Variants in MITF observed in about 807,000 individuals in gnomAD.
MITF encodes melanocyte inducing transcription factor.
Under a neutral mutation model 60.5 loss-of-function variants are expected in MITF, and 17 were observed. That is an observed-to-expected ratio of 0.28 (90% CI 0.19 to 0.42). MITF has a LOEUF of 0.42. Ranked by LOEUF, MITF falls within the 10% of genes least tolerant of loss-of-function variation. The probability of loss-of-function intolerance (pLI) is 1.00; values close to 1 mark genes in which losing one functional copy is unlikely to be tolerated. For synonymous variants in MITF, 260 were observed against 248.5 expected (o/e 1.05, Z -0.43); for missense variants, 622 against 683.5 (o/e 0.91, Z 1.00).
chr3:69,784,248 G>T (rs569441432), intron 1 of MITF, among the ~76,000 whole-genome samples: 12 of 151,924 alleles, frequency 7.9e-5, no homozygotes, highest in Non-Finnish European at 1.8e-4. Context: ...CATACTGTTT[G>T]TTCTTTTTTC....
chr3:69,888,572 G>A (rs944030425), intron 2 of MITF, among the ~76,000 whole-genome samples: 3 of 151,926 alleles, frequency 2.0e-5, no homozygotes, highest in South Asian at 2.1e-4. Context: ...AGCACACGCC[G>A]CTAAGTAATT....
chr3:69,854,535 TTTTA>T (rs1484253044), intron 1 of MITF, among the ~76,000 whole-genome samples: 1 of 152,224 alleles, frequency 6.6e-6, no homozygotes, highest in Admixed American at 6.5e-5. Context: ...GTTGCATTGT[TTTTA>T]TTTGTTTGCT....
chr3:69,908,125 A>G (rs1230494355), intron 2 of MITF, among the ~76,000 whole-genome samples: 1 of 152,152 alleles, frequency 6.6e-6, no homozygotes, highest in African/African-American at 2.4e-5. Context: ...AGATGGATAC[A>G]TGAGACAGAA....
At chr3:69,778,400 AAATT>A (rs1242276181) in intron 1 of MITF, among the ~76,000 whole-genome samples, 3 of 152,196 alleles carry the variant, frequency 2.0e-5, no homozygotes, top group Admixed American at 6.5e-5. Context: ...TTCAAGCATG[AAATT>A]AAATTGCCAA....
At chr3:69,912,253 G>A (rs1439642069) in intron 2 of MITF, among the ~76,000 whole-genome samples, 1 of 152,162 alleles carries the variant, frequency 6.6e-6, no homozygotes, top group Non-Finnish European at 1.5e-5. Flanking sequence ...TCAAATTCTG[G>A]GTAATAGTTG....
intron 1 of MITF, among the ~76,000 whole-genome samples, chr3:69,747,209 C>T (rs575836712): frequency 3.9e-5 from 6 of 152,198 alleles, no homozygotes; most frequent in Middle Eastern, 3.4e-3. Flanking sequence ...TTGGAGGTGG[C>T]GCACAGTTAA....
intron 1 of MITF, among the ~76,000 whole-genome samples, chr3:69,856,071 C>G (rs2063913496): frequency 6.6e-6 from 1 of 152,100 alleles, no homozygotes; most frequent in South Asian, 2.1e-4. Flanking sequence ...ATTTCAGAAC[C>G]CTACATGGTT....
At chr3:69,763,643 G>C (rs2106810005) in intron 1 of MITF, 1 of 1,236,046 alleles carries the variant, frequency 8.1e-7, no homozygotes, top group East Asian at 4.1e-5. Flanking sequence ...TCTCCTTTCT[G>C]AGACGGTTCA....
chr3:69,835,872 A>G (rs933097540), intron 1 of MITF, among the ~76,000 whole-genome samples: 2 of 152,112 alleles, frequency 1.3e-5, no homozygotes, highest in East Asian at 3.9e-4. Context: ...TGTTTTGATT[A>G]CTATAATTTT....
chr3:69,813,040 G>A (rs962860256), intron 1 of MITF, among the ~76,000 whole-genome samples: 1 of 152,064 alleles, frequency 6.6e-6, no homozygotes, highest in Non-Finnish European at 1.5e-5. Context: ...TACTTACTAT[G>A]AGCCACTTAC....
At chr3:69,832,073 C>A (rs1338078292) in intron 1 of MITF, among the ~76,000 whole-genome samples, 2 of 152,204 alleles carry the variant, frequency 1.3e-5, no homozygotes, top group Non-Finnish European at 2.9e-5. Context: ...TGCTACATAA[C>A]AAATCATGGT....
At chr3:69,783,867 G>A (rs528108412) in intron 1 of MITF, among the ~76,000 whole-genome samples, 2 of 152,084 alleles carry the variant, frequency 1.3e-5, no homozygotes, top group South Asian at 2.1e-4. Context: ...TCTGCATGTC[G>A]CTCAGCTTCT....
At chr3:69,771,173 A>G (rs2062387850) in intron 1 of MITF, among the ~76,000 whole-genome samples, 1 of 151,946 alleles carries the variant, frequency 6.6e-6, no homozygotes, top group African/African-American at 2.4e-5. Flanking sequence ...AGACAGCCAG[A>G]GAGACTTGGG....
intron 1 of MITF, among the ~76,000 whole-genome samples, chr3:69,851,748 C>T (rs905619886): frequency 3.3e-5 from 5 of 152,056 alleles, no homozygotes; most frequent in South Asian, 2.1e-4. Context: ...TGACATGGCT[C>T]TGTGCATCTC....
At chr3:69,763,259 A>G (rs2062237235) in intron 1 of MITF, among the ~76,000 whole-genome samples, 1 of 152,216 alleles carries the variant, frequency 6.6e-6, no homozygotes, top group Admixed American at 6.5e-5. Context: ...GAAGGAGGAC[A>G]TAGATTTTCA....
At chr3:69,812,990 T>C (rs1227216802) in intron 1 of MITF, among the ~76,000 whole-genome samples, 4 of 152,172 alleles carry the variant, frequency 2.6e-5, no homozygotes, top group African/African-American at 9.7e-5. Context: ...GGTAATGATA[T>C]TAATGCCCAA....
chr3:69,739,921 G>C (rs898611429), intron 1 of MITF, among the ~76,000 whole-genome samples: 4 of 152,116 alleles, frequency 2.6e-5, no homozygotes, highest in African/African-American at 9.7e-5. Flanking sequence ...GCGGGGGCGC[G>C]GCGGGTCGCC....
At chr3:69,756,654 A>G (rs564071088) in intron 1 of MITF, among the ~76,000 whole-genome samples, 3 of 152,188 alleles carry the variant, frequency 2.0e-5, no homozygotes, top group African/African-American at 7.2e-5. Flanking sequence ...ATACCCAGTA[A>G]TGGGATTGCT....
At chr3:69,860,010 C>T (rs1053305981) in intron 1 of MITF, among the ~76,000 whole-genome samples, 1 of 152,126 alleles carries the variant, frequency 6.6e-6, no homozygotes, top group African/African-American at 2.4e-5. Flanking sequence ...TACTAAATTT[C>T]TCATTTAAAA....
Sources: gnomAD v4.1 joint callset for allele counts (sites outside exome capture counted in the v4.1 genomes callset) on GRCh38, gnomAD v4.1.1 for gene constraint, MANE v1.5 for transcripts, NCBI Gene and HGNC (gene_info 2026-07-23, HGNC 2026-07-21) for gene names.